Variants in PALM2AKAP2 observed in about 807,000 individuals in gnomAD.
PALM2AKAP2 encodes the protein PALM2 and AKAP2 fusion.
PALM2AKAP2 carries 37 observed loss-of-function variants against 71.5 expected under a neutral mutation model. That is an observed-to-expected ratio of 0.52 (90% CI 0.40 to 0.68). PALM2AKAP2 has a LOEUF of 0.68. Among genes scored for constraint, PALM2AKAP2 ranks in the 30% least tolerant of loss-of-function variants. The probability of loss-of-function intolerance (pLI) is 0.00; values close to 1 mark genes in which losing one functional copy is unlikely to be tolerated. For missense variants in PALM2AKAP2, 1,224 were observed against 1,191.8 expected (o/e 1.03, Z -0.40); for synonymous variants, 468 against 478.8 (o/e 0.98, Z 0.29).
At chr9:109,848,764 A>T (rs796560872) in intron 1 of PALM2AKAP2, among the ~76,000 whole-genome samples, 1 of 142,908 alleles carries the variant, frequency 7.0e-6, no homozygotes, top group Non-Finnish European at 1.5e-5. Context: ...CAACATGATG[A>T]TACCCCATCT....
intron 1 of PALM2AKAP2, among the ~76,000 whole-genome samples, chr9:109,722,467 T>C (rs1587882314): frequency 6.6e-6 from 1 of 152,148 alleles, no homozygotes; most frequent in Non-Finnish European, 1.5e-5. Flanking sequence ...ATGTAAATTG[T>C]TACAGATAAA....
rs374757596 is a variant in PALM2AKAP2, at chr9:109,782,742, GTT to G, written c.45+2211_45+2212del. On this transcript the variant is annotated intron_variant, in intron 1 of 9. Transcript: ENST00000302798. ...ACAGATTTGCTAACAGCGTGTGTTT[GTT>G]TGTGTGTGTGTGTGTGTGTGTGTGT... Among the ~76,000 whole-genome samples the G allele has an allele frequency of 2.5e-4, 28 of 110,770 alleles. 1 individual carries two copies. Among genetic ancestry groups the G allele is most frequent in the African/African-American group, 7.8e-4 (16 of 20,600 alleles). 72.7% of individuals were successfully genotyped at this position (110,770 alleles called of 152,430 possible).
intron 6 of PALM2AKAP2, among the ~76,000 whole-genome samples, chr9:109,999,942 C>T (rs1832650147): frequency 7.3e-6 from 1 of 137,930 alleles, no homozygotes. Flanking sequence ...CTTTTCTTTC[C>T]TTTTTTTTTT....
intron 1 of PALM2AKAP2, among the ~76,000 whole-genome samples, chr9:110,094,231 A>G (rs1316098936): frequency 2.0e-5 from 3 of 152,214 alleles, no homozygotes; most frequent in South Asian, 2.1e-4. Context: ...TGTATGTCTA[A>G]TACCACAATG....
intron 2 of PALM2AKAP2, among the ~76,000 whole-genome samples, chr9:110,149,089 A>G (rs1836248627): frequency 6.6e-6 from 1 of 152,250 alleles, no homozygotes; most frequent in Non-Finnish European, 1.5e-5. Flanking sequence ...TGGAAAATCC[A>G]GAAGCACAGC....
At chr9:110,092,289 G>A (rs961299961) in intron 1 of PALM2AKAP2, among the ~76,000 whole-genome samples, 5 of 151,830 alleles carry the variant, frequency 3.3e-5, no homozygotes, top group Non-Finnish European at 5.9e-5. Context: ...CTGAGATTGT[G>A]CCACCGCATT....
At chr9:109,774,947 A>G (rs1274306927) in intron 1 of PALM2AKAP2, among the ~76,000 whole-genome samples, 1 of 152,258 alleles carries the variant, frequency 6.6e-6, no homozygotes, top group Non-Finnish European at 1.5e-5. Flanking sequence ...TTTTGTCATT[A>G]ACAGGACTAC....
intron 2 of PALM2AKAP2, among the ~76,000 whole-genome samples, chr9:109,873,299 C>T (rs1313874432): frequency 6.6e-6 from 1 of 151,960 alleles, no homozygotes; most frequent in African/African-American, 2.4e-5. Context: ...CCTGTCTCTA[C>T]TAAAAATACA....
intron 1 of PALM2AKAP2, among the ~76,000 whole-genome samples, chr9:109,654,646 AT>A (rs1478093051): frequency 6.6e-6 from 1 of 152,034 alleles, no homozygotes; most frequent in Non-Finnish European, 1.5e-5. Context: ...AATTAAAAGC[AT>A]TTTGTTATAT....
In PALM2AKAP2 at chr9:109,648,424, A is replaced by G. The variant is rs150610801; in HGVS notation, c.5+7558A>G. Among the ~76,000 whole-genome samples, 1,143 of 152,306 alleles carry G rather than the reference A, an allele frequency of 7.5e-3. 16 individuals are homozygous for G. Among genetic ancestry groups the G allele is most frequent in the African/African-American group, 0.025 (1,056 of 41,558 alleles). ...CCTAGGCACTGCTCCAAGCACTGAG[A>G]ATACAGCAGTAAATTGTCAAAGAGG... On this transcript the variant is annotated intron_variant, in intron 1 of 6. Transcript: ENST00000374531.
At chr9:109,884,517 G>T (rs1829923738) in intron 3 of PALM2AKAP2, among the ~76,000 whole-genome samples, 1 of 152,128 alleles carries the variant, frequency 6.6e-6, no homozygotes, top group Non-Finnish European at 1.5e-5. Flanking sequence ...AATGCAGAGA[G>T]AAAGGAAGAA....
At chr9:109,732,168 A>G (rs1463735819) in intron 1 of PALM2AKAP2, among the ~76,000 whole-genome samples, 1 of 152,224 alleles carries the variant, frequency 6.6e-6, no homozygotes, top group Non-Finnish European at 1.5e-5. Flanking sequence ...GTACAGATCA[A>G]TGGAAGTGAA....
At chr9:109,964,187 A>G (rs949527871) in intron 6 of PALM2AKAP2, among the ~76,000 whole-genome samples, 1 of 152,250 alleles carries the variant, frequency 6.6e-6, no homozygotes, top group African/African-American at 2.4e-5. Flanking sequence ...AGCCCCAGAA[A>G]TGTTCGGCAT....
chr9:109,921,716 A>G (rs567224018), intron 3 of PALM2AKAP2, among the ~76,000 whole-genome samples: 10 of 152,296 alleles, frequency 6.6e-5, no homozygotes, highest in African/African-American at 2.4e-4. Context: ...ATGTGGGCAA[A>G]TAAGAGTGGC....
At chr9:109,851,588 A>G (rs1432161266) in intron 1 of PALM2AKAP2, among the ~76,000 whole-genome samples, 2 of 152,200 alleles carry the variant, frequency 1.3e-5, no homozygotes, top group African/African-American at 2.4e-5. Flanking sequence ...GCAAAGTACC[A>G]TGGAAGGACT....
intron 6 of PALM2AKAP2, among the ~76,000 whole-genome samples, chr9:109,951,196 C>T (rs537833277): frequency 9.9e-5 from 11 of 111,406 alleles, no homozygotes; most frequent in Non-Finnish European, 1.8e-4. Flanking sequence ...GCATCTCACT[C>T]GGGGTGAGTG....
At chr9:110,145,603 G>C (rs368589856) in intron 2 of PALM2AKAP2, among the ~76,000 whole-genome samples, 6 of 152,030 alleles carry the variant, frequency 3.9e-5, no homozygotes. Context: ...CCATGACTAC[G>C]TACTGTTCTC....
At chr9:110,012,150 G>A (rs765852575) in intron 6 of PALM2AKAP2, among the ~76,000 whole-genome samples, 35 of 152,062 alleles carry the variant, frequency 2.3e-4, no homozygotes, top group East Asian at 1.2e-3. Context: ...AAAAGTATCC[G>A]GGCATGGTGG....
chr9:109,923,660 C>T, intron 3 of PALM2AKAP2, 75 bp from the exon 4 acceptor site: 2 of 1,463,980 alleles, frequency 1.4e-6, no homozygotes, highest in Non-Finnish European at 1.8e-6. Flanking sequence ...AATCGCCCAA[C>T]AGGAAGGAGC....
Sources: allele counts gnomAD v4.1 joint callset (sites outside exome capture counted in the v4.1 genomes callset), GRCh38; gene constraint gnomAD v4.1.1; transcripts MANE v1.5; gene names NCBI Gene and HGNC (gene_info 2026-07-23, HGNC 2026-07-21).